The following CPA3 variants were observed in gnomAD, a reference collection of about 807,000 sequenced individuals.
CPA3 encodes the protein carboxypeptidase A3.
CPA3 carries 52 observed loss-of-function variants against 55.8 expected under a neutral mutation model. The observed-to-expected ratio is 0.93, with a 90% confidence interval of 0.75 to 1.17. CPA3 has a LOEUF of 1.17. Ranked by LOEUF, CPA3 falls within the 50% of genes most tolerant of loss-of-function variation. CPA3 has a pLI of 0.00. For missense variants in CPA3, 547 were observed against 509.1 expected (o/e 1.07, Z -0.72); for synonymous variants, 179 against 171.2 (o/e 1.05, Z -0.36).
chr3:148,876,897 G>A (rs936080376), intron 3 of CPA3, among the ~76,000 whole-genome samples: 4 of 152,240 alleles, frequency 2.6e-5, no homozygotes, highest in East Asian at 3.9e-4. Flanking sequence ...CTTGAAATGA[G>A]GCAGTTTGTA....
chr3:148,896,130 A>G (rs1155258), intron 10 of CPA3, among the ~76,000 whole-genome samples: 66,086 of 151,968 alleles, frequency 0.43, 16,742 homozygotes, highest in Non-Finnish European at 0.57. Context: ...AAGAAATGCA[A>G]TTCTATGTAT....
chr3:148,884,190 C>G (rs950582291), intron 9 of CPA3, among the ~76,000 whole-genome samples: 11 of 152,098 alleles, frequency 7.2e-5, no homozygotes, highest in East Asian at 1.9e-4. Context: ...TCCTGCCCCC[C>G]AGATATCAGA....
chr3:148,892,201 C>G (rs895293189), intron 10 of CPA3, among the ~76,000 whole-genome samples: 1 of 152,102 alleles, frequency 6.6e-6, no homozygotes, highest in African/African-American at 2.4e-5. Context: ...CAGGTTCTCT[C>G]CTCAGGTCCC....
rs1260996112 is a variant in CPA3 at position 148,896,864 on chromosome 3, T to C, written c.*157T>C. 4 of 548,712 alleles carry C rather than the reference T, an allele frequency of 7.3e-6. No individual in the cohort carries two copies. Among genetic ancestry groups the C allele is most frequent in the Admixed American group, 3.4e-5 (1 of 29,144 alleles). 34.0% of individuals were successfully genotyped at this position (548,712 alleles called of 1,614,324 possible). On this transcript the variant is annotated 3_prime_UTR_variant, in exon 11 of 11. Transcript: ENST00000296046. The stretch of plus-strand genomic sequence containing the variant: ...GTTACTGCTGTTTGCTTTTACTTAC[T>C]TTCAGTAGCACCATAACGAAGTAGC...
chr3:148,882,309 A>C (rs1443962646), intron 7 of CPA3, among the ~76,000 whole-genome samples, 196 bp from the exon 8 acceptor site: 1 of 152,232 alleles, frequency 6.6e-6, no homozygotes, highest in African/African-American at 2.4e-5. Context: ...TAAGGATATA[A>C]TATTAAAAAC....
chr3:148,888,630 C>G (rs1714594811), intron 10 of CPA3, among the ~76,000 whole-genome samples: 1 of 152,214 alleles, frequency 6.6e-6, no homozygotes, highest in Non-Finnish European at 1.5e-5. Flanking sequence ...AGATTGGCCA[C>G]CCAGACACCA....
intron 2 of CPA3, among the ~76,000 whole-genome samples, chr3:148,866,159 C>G (rs984904767): frequency 6.6e-6 from 1 of 152,166 alleles, no homozygotes; most frequent in Non-Finnish European, 1.5e-5. Context: ...TCATTTGAAA[C>G]AGAAGAGCTA....
intron 2 of CPA3, among the ~76,000 whole-genome samples, chr3:148,866,396 T>C (rs890136205): frequency 2.0e-5 from 3 of 152,234 alleles, no homozygotes; most frequent in Non-Finnish European, 4.4e-5. Context: ...AGAATTTCCA[T>C]AGTCCCTTAA....
intron 9 of CPA3, 33 bp downstream of exon 9, chr3:148,883,848 G>A (rs377231047): frequency 4.5e-5 from 66 of 1,462,686 alleles, no homozygotes; most frequent in Non-Finnish European, 5.4e-5. Flanking sequence ...TTCATGCATC[G>A]ACAATACCAT....
chr3:148,869,150 A>C, intron 3 of CPA3, 111 bp downstream of exon 3: 1 of 1,222,216 alleles, frequency 8.2e-7, no homozygotes, highest in Non-Finnish European at 1.1e-6. Flanking sequence ...CCCAGAACGA[A>C]AGCTCTTTCT....
chr3:148,878,713 T>C lies in CPA3; in HGVS notation c.439T>C (p.Ser147Pro), dbSNP rs753245625. 1.9e-6 allele frequency: 3 copies of C among 1,609,872 alleles called. No individual in the cohort carries two copies. The highest frequency in any genetic ancestry group is 1.1e-5 in the South Asian group (1 of 90,742). ...AATGGTCTCTCGTATTAAAATTGGATCTACTGTTGAAGATAATCCACTATA... is the reference window on the plus strand; with the variant it reads ...AATGGTCTCTCGTATTAAAATTGGACCTACTGTTGAAGATAATCCACTATA... ...PEMVSRIKIGSTVEDNPLYVL... is the reference protein window; with the variant it reads ...PEMVSRIKIGPTVEDNPLYVL... The change falls in exon 5 of 11, where the codon TCT (serine) becomes CCT (proline). Residue 147 changes from serine (S) to proline (P), a missense_variant. Coordinates refer to ENST00000296046, the MANE Select transcript of CPA3 (RefSeq NM_001870.4).
chr3:148,885,131 G>A lies in CPA3; in HGVS notation c.982-962G>A, dbSNP rs78835378. On this transcript the variant is annotated intron_variant, in intron 9 of 10. Coordinates refer to ENST00000296046, the MANE Select transcript of CPA3 (RefSeq NM_001870.4). ...CTAATTAACAACTATTTTAAAAAGC[G>A]GTCAACCACCCTTCTTCCCTTGGTA... 2.9e-3 allele frequency among the ~76,000 whole-genome samples: 438 copies of A among 152,040 alleles called. 5 individuals are homozygous for A. Among genetic ancestry groups the A allele is most frequent in the African/African-American group, 1.0e-2 (414 of 41,476 alleles).
intron 2 of CPA3, 26 bp downstream of exon 2, chr3:148,865,574 C>G: frequency 6.3e-7 from 1 of 1,581,430 alleles, no homozygotes; most frequent in Non-Finnish European, 8.7e-7. Flanking sequence ...GATATTTTAT[C>G]TTTTCTTACT....
intron 3 of CPA3, among the ~76,000 whole-genome samples, 176 bp downstream of exon 3, chr3:148,869,215 G>A (rs1195190812): frequency 6.6e-6 from 1 of 152,174 alleles, no homozygotes; most frequent in Non-Finnish European, 1.5e-5. Flanking sequence ...TGTTTACAGA[G>A]GTGATAGAAT....
intron 2 of CPA3, among the ~76,000 whole-genome samples, chr3:148,866,086 C>A (rs1713893317): frequency 6.6e-6 from 1 of 152,208 alleles, no homozygotes; most frequent in Admixed American, 6.5e-5. Context: ...GTTGCACCAG[C>A]CACCTTATAT....
chr3:148,878,381 A>G (rs1408255759), intron 3 of CPA3, 60 bp from the exon 4 acceptor site: 4 of 1,203,586 alleles, frequency 3.3e-6, no homozygotes, highest in Admixed American at 1.7e-5. Context: ...CAAATGAAAG[A>G]TAACTGTGTT....
At chr3:148,885,404 G>A (rs1048269474) in intron 9 of CPA3, among the ~76,000 whole-genome samples, 1 of 124,724 alleles carries the variant, frequency 8.0e-6, no homozygotes, top group African/African-American at 2.8e-5. Flanking sequence ...GCATATTTAA[G>A]TCTTTTTTTT....
At chr3:148,871,630 T>C (rs183582264) in intron 3 of CPA3, among the ~76,000 whole-genome samples, 93 of 152,334 alleles carry the variant, frequency 6.1e-4, no homozygotes, top group African/African-American at 1.9e-3. Flanking sequence ...CAAATTAGTG[T>C]GTTTTTCACT....
chr3:148,895,154 AC>A (rs1299796794), intron 10 of CPA3, among the ~76,000 whole-genome samples: 1 of 152,136 alleles, frequency 6.6e-6, no homozygotes, highest in Non-Finnish European at 1.5e-5. Context: ...AAATCTAAAC[AC>A]CTAGTCCCGA....
Sources: allele counts gnomAD v4.1 joint callset (sites outside exome capture counted in the v4.1 genomes callset), GRCh38; gene constraint gnomAD v4.1.1; transcripts MANE v1.5; gene names NCBI Gene and HGNC (gene_info 2026-07-23, HGNC 2026-07-21).